Variants in KIAA1217 observed in about 807,000 individuals in gnomAD.
The protein encoded by KIAA1217 is KIAA1217.
A neutral mutation model predicts 163.9 loss-of-function variants in KIAA1217; 88 were observed. The ratio of observed to expected loss-of-function variants is 0.54; its 90% confidence interval spans 0.45 to 0.64. The LOEUF is 0.64. Among genes scored for constraint, KIAA1217 ranks in the 30% least tolerant of loss-of-function variants. The probability of loss-of-function intolerance (pLI) is 0.00; values close to 1 mark genes in which losing one functional copy is unlikely to be tolerated. For missense variants in KIAA1217, 2,372 were observed against 2,475.0 expected (o/e 0.96, Z 0.88); for synonymous variants, 903 against 923.1 (o/e 0.98, Z 0.39).
chr10:23,738,212 A>T (rs1052294449), intron 1 of KIAA1217, among the ~76,000 whole-genome samples: 3 of 152,088 alleles, frequency 2.0e-5, no homozygotes, highest in African/African-American at 7.2e-5. Flanking sequence ...ATGAGGCTAT[A>T]TTTTAATATT....
intron 1 of KIAA1217, among the ~76,000 whole-genome samples, chr10:23,998,282 T>C (rs1281304166): frequency 1.3e-5 from 2 of 152,222 alleles, no homozygotes; most frequent in Non-Finnish European, 2.9e-5. Context: ...AAAATATCTT[T>C]ATTGTTAAGA....
At chr10:23,770,829 A>G (rs969299860) in intron 1 of KIAA1217, among the ~76,000 whole-genome samples, 2 of 152,186 alleles carry the variant, frequency 1.3e-5, no homozygotes, top group Non-Finnish European at 2.9e-5. Flanking sequence ...ATGGAACTCA[A>G]TGAAATGGGG....
intron 1 of KIAA1217, among the ~76,000 whole-genome samples, chr10:23,815,636 T>C (rs1837281513): frequency 6.6e-6 from 1 of 152,054 alleles, no homozygotes; most frequent in Non-Finnish European, 1.5e-5. Context: ...AGAGCAAGAC[T>C]CCATCTCAAA....
chr10:24,298,614 A>G (rs1212253742), intron 2 of KIAA1217, among the ~76,000 whole-genome samples: 1 of 152,078 alleles, frequency 6.6e-6, no homozygotes, highest in East Asian at 1.9e-4. Flanking sequence ...CCTGGTCAAC[A>G]TGGCAAAACC....
chr10:24,009,492 G>A (rs1847151884), intron 2 of KIAA1217, among the ~76,000 whole-genome samples: 1 of 152,062 alleles, frequency 6.6e-6, no homozygotes. Flanking sequence ...TAATGATGTT[G>A]CAAACCCAGG....
chr10:24,258,618 A>C lies in KIAA1217; in HGVS notation c.354+38709A>C, dbSNP rs1341585176. Among the ~76,000 whole-genome samples the C allele has an allele frequency of 1.1e-4, 16 of 141,968 alleles. No homozygotes were observed. In the Admixed American group the frequency reaches 1.2e-3, roughly 10 times the overall value. 93.1% of individuals were successfully genotyped at this position (141,968 alleles called of 152,430 possible). On this transcript the variant is annotated intron_variant, in intron 2 of 20. Coordinates refer to ENST00000376454, the MANE Select transcript of KIAA1217 (RefSeq NM_019590.5). ...TTTTTTTTTTCTTTTTTTGAGACGG[A>C]GTCTCGCTCTGTCACCCAGGCTGGA...
chr10:24,139,285 A>G (rs918645587), intron 2 of KIAA1217, among the ~76,000 whole-genome samples: 7 of 152,132 alleles, frequency 4.6e-5, no homozygotes, highest in African/African-American at 1.4e-4. Flanking sequence ...ACATATAATT[A>G]TACATACTCT....
rs145708018 is a variant in KIAA1217, at chr10:24,109,195, A to C, written c.-171+101821A>C. On this transcript the variant is annotated intron_variant, in intron 2 of 18. Transcript: ENST00000376462. Reference sequence around the variant, plus strand: ...CTTTCACTAATGATCAGAGAGATGGATCAACACCATGAGTAACAACAAAAC... The same window carrying C: ...CTTTCACTAATGATCAGAGAGATGGCTCAACACCATGAGTAACAACAAAAC... Among the ~76,000 whole-genome samples the C allele has an allele frequency of 3.5e-3, 532 of 152,312 alleles. 5 individuals are homozygous for C. The highest frequency in any genetic ancestry group is 0.012 in the African/African-American group (488 of 41,566).
intron 1 of KIAA1217, among the ~76,000 whole-genome samples, chr10:24,212,561 G>A (rs1268640309): frequency 6.6e-6 from 1 of 152,150 alleles, no homozygotes; most frequent in African/African-American, 2.4e-5. Flanking sequence ...AGCAAAAGTG[G>A]AATAAAAATC....
At chr10:24,241,706 C>T (rs1389441711) in intron 2 of KIAA1217, among the ~76,000 whole-genome samples, 1 of 152,216 alleles carries the variant, frequency 6.6e-6, no homozygotes, top group Admixed American at 6.5e-5. Flanking sequence ...GACAGAAACA[C>T]AGCCCATAAT....
At chr10:24,486,237 A>G (rs2065379436) in intron 6 of KIAA1217, among the ~76,000 whole-genome samples, 1 of 152,184 alleles carries the variant, frequency 6.6e-6, no homozygotes, top group South Asian at 2.1e-4. Flanking sequence ...CTGTTAAAAC[A>G]TGAGACCTTT....
At chr10:24,529,525 G>A (rs2072779671) in intron 14 of KIAA1217, among the ~76,000 whole-genome samples, 1 of 151,878 alleles carries the variant, frequency 6.6e-6, no homozygotes, top group Non-Finnish European at 1.5e-5. Context: ...TCTGCAGTTG[G>A]TTGAATCCAC....
intron 2 of KIAA1217, chr10:24,275,637 T>G (rs757089689): frequency 2.3e-5 from 11 of 470,630 alleles, no homozygotes; most frequent in Non-Finnish European, 4.4e-5. Context: ...TTTAGTAGTC[T>G]CAAGTATGTT....
At chr10:23,845,849 A>AT (rs1486814721) in intron 1 of KIAA1217, among the ~76,000 whole-genome samples, 4 of 151,972 alleles carry the variant, frequency 2.6e-5, no homozygotes, top group African/African-American at 4.8e-5. Context: ...TTCTTCTAGG[A>AT]TTTTTATGGT....
chr10:24,164,473 T>C (rs1042282175), intron 2 of KIAA1217, among the ~76,000 whole-genome samples: 1 of 152,184 alleles, frequency 6.6e-6, no homozygotes, highest in African/African-American at 2.4e-5. Flanking sequence ...CTGAGAGAGG[T>C]AACCCCATCT....
At chr10:24,336,366 C>G (rs2046359418) in intron 2 of KIAA1217, among the ~76,000 whole-genome samples, 1 of 152,206 alleles carries the variant, frequency 6.6e-6, no homozygotes, top group Non-Finnish European at 1.5e-5. Flanking sequence ...ATTTTTCCTA[C>G]TTTTTAGTTT....
intron 2 of KIAA1217, among the ~76,000 whole-genome samples, chr10:24,141,685 C>A (rs1164361271): frequency 6.6e-6 from 1 of 152,078 alleles, no homozygotes; most frequent in African/African-American, 2.4e-5. Flanking sequence ...ACAGGACAGA[C>A]GCAAACAGCA....
rs539768036 is a variant in KIAA1217, at chr10:23,947,463, C to G, written c.-320-59762C>G. 4.3e-4 allele frequency among the ~76,000 whole-genome samples: 65 copies of G among 152,142 alleles called. 1 individual carries two copies. Among genetic ancestry groups the G allele is most frequent in the Non-Finnish European group, 8.1e-4 (55 of 68,030 alleles). On this transcript the variant is annotated intron_variant, in intron 1 of 18. Transcript: ENST00000376462. Reference sequence around the variant, plus strand: ...CCATAGATAAATATGCCAGGCTTTCCTTTTAGCCGGTCCTATACATTTCAT... The same window carrying G: ...CCATAGATAAATATGCCAGGCTTTCGTTTTAGCCGGTCCTATACATTTCAT...
At chr10:23,865,289 G>A (rs1443680863) in intron 1 of KIAA1217, among the ~76,000 whole-genome samples, 1 of 152,096 alleles carries the variant, frequency 6.6e-6, no homozygotes, top group African/African-American at 2.4e-5. Flanking sequence ...ATGAAATATG[G>A]CATCTTACTA....
Sources: gnomAD v4.1 joint callset for allele counts (sites outside exome capture counted in the v4.1 genomes callset) on GRCh38, gnomAD v4.1.1 for gene constraint, MANE v1.5 for transcripts, NCBI Gene and HGNC (gene_info 2026-07-23, HGNC 2026-07-21) for gene names.